PTMS: variants seen among roughly 807,000 people sequenced by gnomAD.
PTMS encodes the protein parathymosin.
A neutral mutation model predicts 18.4 loss-of-function variants in PTMS; 5 were observed. The observed-to-expected ratio is 0.27, with a 90% CI of 0.14 to 0.57. The LOEUF is 0.57. Among genes scored for constraint, PTMS ranks in the 20% least tolerant of loss-of-function variants. The pLI, the probability that PTMS is intolerant of heterozygous loss-of-function variation, is 0.92. For synonymous variants in PTMS, 53 were observed against 47.7 expected, an observed-to-expected ratio of 1.11 and a Z score of -0.46; for missense variants, 93 against 124.6, an observed-to-expected ratio of 0.75 and a Z score of 1.21.
Position 6,770,117 on chromosome 12 carries a change from C to A in PTMS, c.197-40C>A, listed in dbSNP as rs1313566868. ...GGCGACCACGGGGGCTCTGCCAGAG[C>A]TTCCTGCCCTTCCCCAATGACCCAT... is the stretch of plus-strand genomic sequence containing the variant. On this transcript the variant is annotated intron_variant, in intron 3 of 4. Transcript: ENST00000309083. This position sits in a 1 kb window ranked among gnomAD's most constrained non-coding sequence, Gnocchi z 7.3. 4.3e-6 allele frequency: 7 copies of A among 1,613,254 alleles called. No homozygotes were observed.
At position 6,770,553 on chromosome 12, in the gene PTMS, A is replaced by G. The variant is rs554945589; in HGVS notation, c.*111A>G. Reference sequence around the variant, plus strand: ...GGCTCCCTGCTCTGGGCCCTGCACCAGAGCTGCCACCCTCTTCTTTCTCCC... The same window carrying G: ...GGCTCCCTGCTCTGGGCCCTGCACCGGAGCTGCCACCCTCTTCTTTCTCCC... On this transcript the variant is annotated 3_prime_UTR_variant, in exon 5 of 5. Coordinates refer to ENST00000309083, the MANE Select transcript of PTMS (RefSeq NM_002824.6). This position sits in a 1 kb window ranked among gnomAD's most constrained non-coding sequence, Gnocchi z 7.3. The G allele has an allele frequency of 1.3e-5, 16 of 1,279,186 alleles. No homozygotes were observed. The African/African-American group carries it at 2.2e-4, about 18-fold the overall frequency. The allele number at this position is 1,279,186 out of a possible 1,614,324, so 79.2% of individuals were successfully genotyped here.
chr12:6,768,370 C>A (rs1005583543), intron 1 of PTMS, among the ~76,000 whole-genome samples: 2 of 152,110 alleles, frequency 1.3e-5, no homozygotes, highest in African/African-American at 4.8e-5. Context: ...GAAGACCTCA[C>A]GGTGGGGTGG....
rs1392629050 is a variant in PTMS, at chr12:6,769,920, G to C, written c.118-1G>C. ...GCTACTCCCTCTCCTGGTCCCCACAGGAGGAGGAGAACGGGGCTGAGGAGG... is the reference window on the plus strand; with the variant it reads ...GCTACTCCCTCTCCTGGTCCCCACACGAGGAGGAGAACGGGGCTGAGGAGG... On this transcript the variant is annotated splice_acceptor_variant, in intron 2 of 4. Transcript: ENST00000309083. LOFTEE classifies it high-confidence loss of function. 1 of 1,560,920 alleles carries C rather than the reference G, an allele frequency of 6.4e-7. No individual in the cohort carries two copies. Among genetic ancestry groups the C allele is most frequent in the Non-Finnish European group, 8.7e-7 (1 of 1,152,054 alleles).
chr12:6,769,880 T>C (rs764263216), intron 2 of PTMS, 41 bp from the exon 3 acceptor site: 21 of 1,583,828 alleles, frequency 1.3e-5, no homozygotes, highest in East Asian at 2.3e-5. Flanking sequence ...GGGCAAGGCA[T>C]GCAGCCAGCC....
chr12:6,768,869 C>T (rs939004397), intron 1 of PTMS, among the ~76,000 whole-genome samples: 2 of 152,178 alleles, frequency 1.3e-5, no homozygotes, highest in African/African-American at 2.4e-5. Flanking sequence ...TTGTTTCCCA[C>T]GCCTGCTACT....
Position 6,770,365 on chromosome 12 carries a change from G to C in PTMS, c.259-27G>C, listed in dbSNP as rs1336734468. ...GGGAGGTCTCCCCTCCCATTTTACAGCTCCCCCATTCTCTCCCTCTCCACA... is the reference window on the plus strand; with the variant it reads ...GGGAGGTCTCCCCTCCCATTTTACACCTCCCCCATTCTCTCCCTCTCCACA... On this transcript the variant is annotated intron_variant, in intron 4 of 4. Transcript: ENST00000309083. The surrounding 1 kb of genome is among the most constrained non-coding windows in gnomAD (Gnocchi z 7.3). 6.2e-7 allele frequency: 1 copy of C among 1,613,376 alleles called. No individual in the cohort carries two copies. Among genetic ancestry groups the C allele is most frequent in the Non-Finnish European group, 8.5e-7 (1 of 1,179,568 alleles).
chr12:6,768,852 T>G (rs1941803093), intron 1 of PTMS, among the ~76,000 whole-genome samples: 1 of 152,132 alleles, frequency 6.6e-6, no homozygotes, highest in South Asian at 2.1e-4. Flanking sequence ...TGTTTGTTGC[T>G]CTCTCCTTGT....
rs951707877 is a variant in PTMS, at chr12:6,766,364, G to C, written c.-342G>C. 6.5e-6 allele frequency: 1 copy of C among 154,432 alleles called. No homozygotes were observed. 9.6% of individuals were successfully genotyped at this position (154,432 alleles called of 1,614,324 possible). ...GCGGGTTCCCTTCCCGGGGGCGGCA[G>C]CGGCTGGTCGGCGGCAGCTCTGCTG... On this transcript the variant is annotated 5_prime_UTR_variant, in exon 1 of 5. Coordinates refer to ENST00000309083, the MANE Select transcript of PTMS (RefSeq NM_002824.6).
chr12:6,769,740 T>G, intron 2 of PTMS, 66 bp downstream of exon 2: 1 of 1,605,188 alleles, frequency 6.2e-7, no homozygotes, highest in South Asian at 1.1e-5. Context: ...ATCTCATCCT[T>G]CCTCTGCTTT....
Position 6,766,667 on chromosome 12 carries a change from C to T in PTMS, c.-39C>T, listed in dbSNP as rs1941769510. 9.0e-7 allele frequency: 1 copy of T among 1,108,198 alleles called. No individual in the cohort carries two copies. The highest frequency in any genetic ancestry group is 2.7e-5 in the South Asian group (1 of 36,486). 68.6% of individuals were successfully genotyped at this position (1,108,198 alleles called of 1,614,324 possible). On this transcript the variant is annotated 5_prime_UTR_variant, in exon 1 of 5. Transcript: ENST00000309083. ...GGGCCCCTCCGTCTCGGCCCCGGGA[C>T]CCCGGCTCCCCGCCAGCCCCGGCCC... is the stretch of plus-strand genomic sequence containing the variant.
chr12:6,768,735 A>G (rs527668989), intron 1 of PTMS, among the ~76,000 whole-genome samples: 1 of 152,246 alleles, frequency 6.6e-6, no homozygotes, highest in East Asian at 1.9e-4. Context: ...ACGTCAACCT[A>G]TGCCTGCTAG....
Position 6,769,912 on chromosome 12 carries a change from TC to T in PTMS, c.118-5del. 6.4e-7 allele frequency: 1 copy of T among 1,562,184 alleles called. No individual in the cohort carries two copies. Among genetic ancestry groups the T allele is most frequent in the Non-Finnish European group, 8.7e-7 (1 of 1,153,020 alleles). On this transcript the variant is annotated splice_polypyrimidine_tract_variant and splice_region_variant and intron_variant, in intron 2 of 4. Coordinates refer to ENST00000309083, the MANE Select transcript of PTMS (RefSeq NM_002824.6). ...AGCCTGAGGCTACTCCCTCTCCTGG[TC>T]CCCACAGGAGGAGGAGAACGGGGCT...
At position 6,766,713 on chromosome 12, in the gene PTMS, A is replaced by G; in HGVS notation, c.8A>G (p.Glu3Gly). MS[E>G]KSVEAAAELS... ...GGCCCCGGCCCCGGCACCATGTCGG[A>G]GAAAAGCGTGGAGGCAGCGGCCGAG... The change falls in exon 1 of 5, where the codon GAG (glutamate) becomes GGG (glycine). Residue 3 changes from glutamate (E) to glycine (G), a missense_variant. Physicochemically the swap from Glu to Gly is moderately conservative, Grantham distance 98 (BLOSUM62 -2). Coordinates refer to ENST00000309083, the MANE Select transcript of PTMS (RefSeq NM_002824.6). 2 of 1,118,344 alleles carry G rather than the reference A, an allele frequency of 1.8e-6. No individual in the cohort carries two copies. Among genetic ancestry groups the G allele is most frequent in the East Asian group, 6.3e-5 (1 of 15,766 alleles). 69.3% of individuals were successfully genotyped at this position (1,118,344 alleles called of 1,614,324 possible).
chr12:6,767,059 C>A (rs1031687450), intron 1 of PTMS: 3 of 156,486 alleles, frequency 1.9e-5, no homozygotes, highest in Non-Finnish European at 2.8e-5. Context: ...TCCGGCTTCC[C>A]GTCCGAACGC....
chr12:6,768,540 GGA>G (rs1479578675), intron 1 of PTMS, among the ~76,000 whole-genome samples: 20 of 152,160 alleles, frequency 1.3e-4, no homozygotes, highest in Admixed American at 1.2e-3. Context: ...ATCTCACACA[GGA>G]GACTTCCATT....
At chr12:6,769,530 G>T (rs1168630921) in intron 1 of PTMS, 73 bp from the exon 2 acceptor site, 2 of 1,502,966 alleles carry the variant, frequency 1.3e-6, no homozygotes, top group East Asian at 2.3e-5. Flanking sequence ...TACAGAGGGA[G>T]AACTGGGGCT....
At chr12:6,769,732 C>G (rs914865849) in intron 2 of PTMS, 58 bp downstream of exon 2, 2 of 1,606,606 alleles carry the variant, frequency 1.2e-6, no homozygotes, top group Non-Finnish European at 1.7e-6. Flanking sequence ...TCCCAATCAT[C>G]TCATCCTTCC....
At position 6,770,715 on chromosome 12, in the gene PTMS, C is replaced by G. The variant is rs2137801925; in HGVS notation, c.*273C>G. On this transcript the variant is annotated 3_prime_UTR_variant, in exon 5 of 5. Transcript: ENST00000309083. The surrounding 1 kb of genome is among the most constrained non-coding windows in gnomAD (Gnocchi z 7.3). Reference sequence around the variant, plus strand: ...CTCTCTCTCTTTGCTCTCTTTCTCCCTCCCCTACCAGCCTCATTCTTCCTC... The same window carrying G: ...CTCTCTCTCTTTGCTCTCTTTCTCCGTCCCCTACCAGCCTCATTCTTCCTC... The G allele has an allele frequency of 1.8e-6, 1 of 552,572 alleles. No homozygotes were observed. The highest frequency in any genetic ancestry group is 3.1e-5 in the East Asian group (1 of 32,274). 34.2% of individuals were successfully genotyped at this position (552,572 alleles called of 1,614,324 possible). A position where few individuals can be genotyped will look rare whatever the true frequency, so the allele number is the denominator to read the frequency against.
At chr12:6,767,960 T>C (rs1263977264) in intron 1 of PTMS, among the ~76,000 whole-genome samples, 2 of 152,190 alleles carry the variant, frequency 1.3e-5, no homozygotes, top group African/African-American at 4.8e-5. Context: ...CGCTGGGCCA[T>C]GTGTCTCCCA....
Sources: gnomAD v4.1 joint callset for allele counts (sites outside exome capture counted in the v4.1 genomes callset) on GRCh38, gnomAD v4.1.1 for gene constraint, Gnocchi (gnomAD v3.1) non-coding constraint, MANE v1.5 for transcripts, NCBI Gene and HGNC (gene_info 2026-07-23, HGNC 2026-07-21) for gene names.